Variants in SPATA7 observed in about 807,000 individuals in gnomAD.
SPATA7 encodes the protein spermatogenesis-associated protein 7.
A neutral mutation model predicts 51.8 loss-of-function variants in SPATA7; 43 were observed. The observed-to-expected ratio is 0.83, with a 90% CI of 0.65 to 1.07. The LOEUF (loss-of-function observed/expected upper bound fraction) is 1.07. Ranked by LOEUF, SPATA7 falls within the 50% of genes least tolerant of loss-of-function variation. The pLI is 0.00. For synonymous variants in SPATA7, 230 were observed against 252.8 expected, an observed-to-expected ratio of 0.91 and a Z score of 0.86; for missense variants, 683 against 701.3, an observed-to-expected ratio of 0.97 and a Z score of 0.30.
chr14:88,446,523 T>C (rs2077214147), intron 3 of SPATA7, among the ~76,000 whole-genome samples: 1 of 151,132 alleles, frequency 6.6e-6, no homozygotes, highest in African/African-American at 2.4e-5. Context: ...TGCCTTCTGC[T>C]AGCTTTTGAA....
intron 4 of SPATA7, among the ~76,000 whole-genome samples, chr14:88,463,101 TATAATAGC>T (rs2077327684): frequency 6.6e-6 from 1 of 152,174 alleles, no homozygotes; most frequent in African/African-American, 2.4e-5. Flanking sequence ...ATACCCTCTA[TATAATAGC>T]ATTTGCCTTG....
At position 88,438,226 on chromosome 14, in the gene SPATA7, A is replaced by G. The variant is rs2077146715; in HGVS notation, c.1604A>G (p.Glu535Gly). Residue 535 changes from glutamate (E) to glycine (G), a missense_variant, in exon 12 of 12, where the codon GAA becomes GGA. Physicochemically the swap from Glu to Gly is moderately conservative, Grantham distance 98. Coordinates refer to ENST00000393545, the MANE Select transcript of SPATA7 (RefSeq NM_018418.5). ...PSISDSLTDRETSVNVIEGDS... is the reference protein window; with the variant it reads ...PSISDSLTDRGTSVNVIEGDS... Reference sequence around the variant, plus strand: ...ATTTCAGACAGTTTAACAGATCGGGAAACTTCTGTGAATGTCATTGAAGGT... The same window carrying G: ...ATTTCAGACAGTTTAACAGATCGGGGAACTTCTGTGAATGTCATTGAAGGT... The G allele has an allele frequency of 6.2e-7, 1 of 1,614,088 alleles. No individual in the cohort carries two copies. Among genetic ancestry groups the G allele is most frequent in the Non-Finnish European group, 8.5e-7 (1 of 1,179,994 alleles).
At chr14:88,451,295 G>A (rs538138135) in intron 3 of SPATA7, among the ~76,000 whole-genome samples, 7 of 151,736 alleles carry the variant, frequency 4.6e-5, no homozygotes, top group Non-Finnish European at 8.8e-5. Flanking sequence ...TCAGCCTCCC[G>A]AGTAGCTGGG....
At chr14:88,441,362 C>G (rs2140035959), downstream of SPATA7, among the ~76,000 whole-genome samples, 1 of 152,080 alleles carries the variant, frequency 6.6e-6, no homozygotes, top group Admixed American at 6.5e-5. Context: ...GGGTAGATAC[C>G]CAGGAGTGGG....
chr14:88,429,631 G>C (rs2076887987), intron 8 of SPATA7, among the ~76,000 whole-genome samples, 168 bp downstream of exon 8: 1 of 152,064 alleles, frequency 6.6e-6, no homozygotes, highest in Non-Finnish European at 1.5e-5. Flanking sequence ...TTTACAAATT[G>C]AAGTGCTTAG....
At chr14:88,441,372 G>C (rs142234202), downstream of SPATA7, among the ~76,000 whole-genome samples, 3,961 of 152,218 alleles carry the variant, frequency 0.026, 181 homozygotes, top group African/African-American at 0.09. Context: ...CCAGGAGTGG[G>C]ATTGCTGGAT....
chr14:88,421,123 A>ATAAT (rs908267316), intron 5 of SPATA7, among the ~76,000 whole-genome samples: 1 of 152,130 alleles, frequency 6.6e-6, no homozygotes, highest in African/African-American at 2.4e-5. Flanking sequence ...AAAAAAAAAA[A>ATAAT]TAATTAATTA....
intron 4 of SPATA7, chr14:88,468,905 A>G (rs1332219038): frequency 6.2e-7 from 1 of 1,613,968 alleles, no homozygotes; most frequent in East Asian, 2.2e-5. Context: ...GGTGATCATA[A>G]GCGCCATCAC....
chr14:88,385,696 C>A lies in SPATA7; in HGVS notation c.-123C>A. On this transcript the variant is annotated 5_prime_UTR_variant, in exon 1 of 12. Transcript: ENST00000393545. ...TTAGCAACGGCCTGGCAACGGTTTC[C>A]CTGCTGCTGCAGCCCCCGTCGGCTC... is the stretch of plus-strand genomic sequence containing the variant. 1.0e-6 allele frequency: 1 copy of A among 967,350 alleles called. No homozygotes were observed. The highest frequency in any genetic ancestry group is 1.4e-5 in the South Asian group (1 of 72,866). The allele number at this position is 967,350 out of a possible 1,614,324, so 59.9% of individuals were successfully genotyped here.
rs757889348 is a variant in SPATA7 at position 88,393,465 on chromosome 14, A to G, written c.167A>G (p.Tyr56Cys). Residue 56 changes from tyrosine (Y) to cysteine (C), a missense_variant, in exon 3 of 12, where the codon TAT (tyrosine) becomes TGT (cysteine). By Grantham distance (194) the Tyr-to-Cys change is radical. Coordinates refer to ENST00000393545, the MANE Select transcript of SPATA7 (RefSeq NM_018418.5). ...GTCAAGAATCACATGGCTGTTCACT[A>G]TAATAAAATCCTTTCAGCCAAAGGT... ...QLVKNHMAVH[Y>C]NKILSAKAAV... 4 of 1,602,656 alleles carry G rather than the reference A, an allele frequency of 2.5e-6. No homozygotes were observed. The highest frequency in any genetic ancestry group is 2.6e-6 in the Non-Finnish European group (3 of 1,173,424).
At chr14:88,396,289 T>G (rs2075877408) in intron 4 of SPATA7, 86 bp downstream of exon 4, 3 of 933,448 alleles carry the variant, frequency 3.2e-6, no homozygotes, top group Non-Finnish European at 5.1e-6. Context: ...TTAACCATTT[T>G]TAAGTGTCCA....
Position 88,433,117 on chromosome 14 carries a change from A to ATTGCC in SPATA7, c.1083-15_1083-11dup, listed in dbSNP as rs747397710. 15 of 1,597,140 alleles carry ATTGCC rather than the reference A, an allele frequency of 9.4e-6. No homozygotes were observed. Among genetic ancestry groups the ATTGCC allele is most frequent in the Non-Finnish European group, 1.2e-5 (14 of 1,166,932 alleles). On this transcript the variant is annotated splice_polypyrimidine_tract_variant and intron_variant, in intron 9 of 11. Transcript: ENST00000393545. ...GTAAGGAATAATTTTTATGCTATATATTGCCTTCCTTTTACAGTGAAGAAG... is the reference window on the plus strand; with the variant it reads ...GTAAGGAATAATTTTTATGCTATATATTGCCTTGCCTTCCTTTTACAGTGAAGAAG...
chr14:88,427,207 T>G (rs2076817828), intron 6 of SPATA7, among the ~76,000 whole-genome samples: 1 of 152,174 alleles, frequency 6.6e-6, no homozygotes, highest in Non-Finnish European at 1.5e-5. Context: ...TTAAGTATAA[T>G]TTGCCTCAAT....
chr14:88,399,888 C>T (rs900408486), intron 4 of SPATA7, among the ~76,000 whole-genome samples: 1 of 152,196 alleles, frequency 6.6e-6, no homozygotes, highest in Admixed American at 6.5e-5. Flanking sequence ...TAATAGAAGA[C>T]TTCAATAATC....
intron 4 of SPATA7, among the ~76,000 whole-genome samples, chr14:88,408,258 C>CAAA (rs762516405): frequency 6.6e-6 from 1 of 152,006 alleles, no homozygotes; most frequent in African/African-American, 2.4e-5. Context: ...AATGGTTTTC[C>CAAA]ATTTGTTTGT....
chr14:88,445,946 T>C (rs1386421579), intron 3 of SPATA7, among the ~76,000 whole-genome samples: 1 of 152,222 alleles, frequency 6.6e-6, no homozygotes, highest in African/African-American at 2.4e-5. Flanking sequence ...TCTAAAATTC[T>C]CTTTTTTGGT....
chr14:88,431,186 A>G lies in SPATA7; in HGVS notation c.1043A>G (p.Tyr348Cys). Residue 348 changes from tyrosine (Y) to cysteine (C), a missense_variant, in exon 9 of 12, where the codon TAT becomes TGT. Physicochemically the swap from Tyr to Cys is radical, Grantham distance 194 (BLOSUM62 -2). Coordinates refer to ENST00000393545, the MANE Select transcript of SPATA7 (RefSeq NM_018418.5). ...CCTCTTTCTAGGGCAATGTGTCAGT[A>G]TTCCCTGAAGCCCCCTTCAACTCGT... Reference protein sequence around the residue: ...QHSSPRAMCQYSLKPPSTRKI... With the variant: ...QHSSPRAMCQCSLKPPSTRKI... 1 of 1,613,748 alleles carries G rather than the reference A, an allele frequency of 6.2e-7. No individual in the cohort carries two copies. Among genetic ancestry groups the G allele is most frequent in the Non-Finnish European group, 8.5e-7 (1 of 1,179,754 alleles).
rs577041878 is a variant in SPATA7 at position 88,444,003 on chromosome 14, A to G, written c.177+6100A>G. Among the ~76,000 whole-genome samples, 17 of 152,068 alleles carry G rather than the reference A, an allele frequency of 1.1e-4. No homozygotes were observed. The East Asian group carries it at 3.3e-3, about 29-fold the overall frequency. Reference sequence around the variant, plus strand: ...TAGTCCTTTGGGTATATACCCAGTAATGGGATGGCTGGGTCAAATGGTATT... The same window carrying G: ...TAGTCCTTTGGGTATATACCCAGTAGTGGGATGGCTGGGTCAAATGGTATT... On this transcript the variant is annotated intron_variant, in intron 3 of 3. Coordinates refer to the SPATA7 transcript ENST00000554802.
rs200034171 is a variant in SPATA7 at position 88,416,782 on chromosome 14, A to T, written c.310A>T (p.Lys104Ter). 5.6e-6 allele frequency: 9 copies of T among 1,610,994 alleles called. No homozygotes were observed. ...ATGTGAAAAAGAGTTCAAATTAACT[A>T]AAACTGCAATGCGAGCCAATTATAA... ...AQCEKEFKLTKTAMRANYKNN... is the reference protein window; with the variant it reads ...AQCEKEFKLT Residue 104 changes from lysine to a stop codon, truncating the protein, a stop_gained, in exon 5 of 12, where the codon AAA (lysine) becomes TAA (stop). Coordinates refer to ENST00000393545, the MANE Select transcript of SPATA7 (RefSeq NM_018418.5). LOFTEE classifies it high-confidence loss of function.
Sources: allele counts gnomAD v4.1 joint callset (sites outside exome capture counted in the v4.1 genomes callset), GRCh38; gene constraint gnomAD v4.1.1; transcripts MANE v1.5; gene names NCBI Gene and HGNC (gene_info 2026-07-23, HGNC 2026-07-21).